TRIO: variants seen among roughly 807,000 people sequenced by gnomAD.
TRIO encodes the protein trio Rho guanine nucleotide exchange factor, also known as triple functional domain protein.
TRIO carries 58 observed loss-of-function variants against 351.9 expected under a neutral mutation model. The ratio of observed to expected loss-of-function variants is 0.16; its 90% confidence interval spans 0.13 to 0.21. The LOEUF (loss-of-function observed/expected upper bound fraction) is 0.21, where lower values mean the gene tolerates loss of function less well. Among genes scored for constraint, TRIO ranks in the 10% least tolerant of loss-of-function variants. TRIO has a pLI of 1.00. For synonymous variants in TRIO, 1,758 were observed against 1,595.7 expected (o/e 1.10, Z -2.42); for missense variants, 3,201 against 4,027.8 (o/e 0.79, Z 5.56).
chr5:14,280,194 C>A, intron 2 of TRIO, 128 bp from the exon 3 acceptor site: 1 of 793,430 alleles, frequency 1.3e-6, no homozygotes, highest in Non-Finnish European at 2.1e-6. Flanking sequence ...TCAGCTGAAA[C>A]AAGGACTTCT....
intron 11 of TRIO, among the ~76,000 whole-genome samples, chr5:14,339,706 G>C (rs1304330329): frequency 6.6e-6 from 1 of 152,230 alleles, no homozygotes; most frequent in African/African-American, 2.4e-5. Context: ...CCGCAGGCTG[G>C]AATGCTGCCC....
At chr5:14,433,698 A>G (rs542672816) in intron 34 of TRIO, among the ~76,000 whole-genome samples, 1 of 152,350 alleles carries the variant, frequency 6.6e-6, no homozygotes, top group East Asian at 1.9e-4. Flanking sequence ...CTGAAATTTT[A>G]TCAGTATTAA....
chr5:14,169,609 C>T (rs1468093138), intron 1 of TRIO, among the ~76,000 whole-genome samples: 3 of 152,166 alleles, frequency 2.0e-5, no homozygotes, highest in Admixed American at 6.5e-5. Context: ...CGAACACACA[C>T]GTGTGTGTGA....
At chr5:14,450,425 G>A (rs904474841) in intron 34 of TRIO, among the ~76,000 whole-genome samples, 3 of 152,152 alleles carry the variant, frequency 2.0e-5, no homozygotes, top group Non-Finnish European at 4.4e-5. Flanking sequence ...GAGGGGCTGC[G>A]CAGGGAACGG....
intron 1 of TRIO, among the ~76,000 whole-genome samples, chr5:14,225,371 T>C (rs1225145806): frequency 1.3e-5 from 2 of 152,232 alleles, no homozygotes; most frequent in East Asian, 3.8e-4. Context: ...ACTCATTTCT[T>C]ACTCCACCGT....
intron 13 of TRIO, among the ~76,000 whole-genome samples, 174 bp downstream of exon 13, chr5:14,359,705 G>A (rs1440139002): frequency 6.6e-6 from 1 of 152,162 alleles, no homozygotes; most frequent in South Asian, 2.1e-4. Flanking sequence ...GCTGGAATTG[G>A]ATCATCCCTG....
intron 7 of TRIO, among the ~76,000 whole-genome samples, chr5:14,299,660 T>C (rs1737686242): frequency 1.3e-5 from 2 of 152,238 alleles, no homozygotes. Context: ...ATGATTTGCC[T>C]TCTAGTTATG....
intron 11 of TRIO, among the ~76,000 whole-genome samples, chr5:14,353,536 T>C (rs1379820562): frequency 6.6e-6 from 1 of 152,220 alleles, no homozygotes; most frequent in African/African-American, 2.4e-5. Context: ...TGCTGGGAAA[T>C]ACAGGCGTGA....
At chr5:14,501,299 C>T (rs1757285849) in intron 53 of TRIO, among the ~76,000 whole-genome samples, 2 of 152,100 alleles carry the variant, frequency 1.3e-5, no homozygotes, top group African/African-American at 2.4e-5. Context: ...GCAAATGTGC[C>T]AGCATTAACA....
chr5:14,325,401 G>A (rs1740278624), intron 9 of TRIO, among the ~76,000 whole-genome samples: 1 of 152,234 alleles, frequency 6.6e-6, no homozygotes. Context: ...GGAAGGCAAA[G>A]GGGAGCCGGA....
At chr5:14,204,261 G>A (rs769401300) in intron 1 of TRIO, among the ~76,000 whole-genome samples, 24 of 152,238 alleles carry the variant, frequency 1.6e-4, no homozygotes, top group Non-Finnish European at 2.6e-4. Context: ...TCTTTTTACC[G>A]CAGAGGTAAT....
chr5:14,399,070 T>C lies in TRIO; in HGVS notation c.4614T>C (p.Phe1538=), dbSNP rs754452884. ...AGTACCTTTATAAAAGCAAATTGTT[T>C]GTAAGTATAGGCGTTCAGAATTGTA... ...RSKYLYKSKL[F]TSELGVTEHV... The change falls in exon 30 of 57, where the codon TTT becomes TTC. Residue 1538 remains phenylalanine, a splice_region_variant and synonymous_variant. Transcript: ENST00000344204. 6.2e-7 allele frequency: 1 copy of C among 1,613,688 alleles called. No homozygotes were observed. The highest frequency in any genetic ancestry group is 8.5e-7 in the Non-Finnish European group (1 of 1,179,580).
intron 1 of TRIO, among the ~76,000 whole-genome samples, chr5:14,200,591 C>T (rs1180384506): frequency 6.6e-6 from 1 of 152,138 alleles, no homozygotes; most frequent in Non-Finnish European, 1.5e-5. Context: ...CCCATTGGAC[C>T]TGGATTGACC....
intron 1 of TRIO, among the ~76,000 whole-genome samples, chr5:14,162,542 G>A (rs1019899796): frequency 6.6e-6 from 1 of 152,226 alleles, no homozygotes; most frequent in South Asian, 2.1e-4. Flanking sequence ...AGTGTGGTAT[G>A]TGAAAGCATT....
rs1746250487 is a variant in TRIO at position 14,383,037 on chromosome 5, A to G, written c.3570+1785A>G. 2.0e-5 allele frequency among the ~76,000 whole-genome samples: 3 copies of G among 152,170 alleles called. No individual in the cohort carries two copies. In the South Asian group the frequency reaches 6.2e-4, roughly 32 times the overall value. On this transcript the variant is annotated intron_variant, in intron 21 of 56. Transcript: ENST00000344204. ...ACCATAATGGCTCAGTGCATCCTCA[A>G]ACTTCTGAGCTCAAGGGATCGTCTT...
intron 33 of TRIO, 37 bp downstream of exon 33, chr5:14,406,709 T>C (rs1334697707): frequency 6.3e-6 from 10 of 1,597,396 alleles, no homozygotes; most frequent in African/African-American, 1.3e-5. Flanking sequence ...CGGAGGGGAA[T>C]GTGGCCAGTC....
rs376976314 is a variant in TRIO at position 14,462,901 on chromosome 5, C to T, written c.5643C>T (p.Leu1881=). The T allele has an allele frequency of 6.2e-7, 1 of 1,603,438 alleles. No individual in the cohort carries two copies. Among genetic ancestry groups the T allele is most frequent in the African/African-American group, 1.3e-5 (1 of 74,628 alleles). Residue 1881 remains leucine (L), a synonymous_variant, in exon 36 of 57, where the codon CTC becomes CTT. Transcript: ENST00000344204. ...PPMAIQQHSL[L]QPDSQDDKAS... ...TGGCCATCCAGCAGCACAGCCTCCT[C>T]CAGCCAGACTCACAGGATGACAAGG... is the stretch of plus-strand genomic sequence containing the variant.
chr5:14,266,764 T>C (rs1032650642), intron 1 of TRIO, among the ~76,000 whole-genome samples: 1 of 152,250 alleles, frequency 6.6e-6, no homozygotes, highest in Admixed American at 6.5e-5. Context: ...AGTTAACAAC[T>C]ATAAAATCTG....
intron 42 of TRIO, 140 bp from the exon 43 acceptor site, chr5:14,479,779 C>A: frequency 1.6e-6 from 1 of 639,824 alleles, no homozygotes; most frequent in Non-Finnish European, 2.5e-6. Flanking sequence ...TGTGAACTAG[C>A]AAAGCTCTAG....
Sources: gnomAD v4.1 joint callset for allele counts (sites outside exome capture counted in the v4.1 genomes callset) on GRCh38, gnomAD v4.1.1 for gene constraint, MANE v1.5 for transcripts, NCBI Gene and HGNC (gene_info 2026-07-23, HGNC 2026-07-21) for gene names.